Variants in MSANTD4 observed in about 807,000 individuals in gnomAD.
MSANTD4 encodes Myb/SANT DNA binding domain containing 4 with coiled-coils, also known as myb/SANT-like DNA-binding domain-containing protein 4.
In MSANTD4, 13 loss-of-function variants were observed where a neutral mutation model predicts 34.3. The observed-to-expected ratio is 0.38, with a 90% confidence interval of 0.25 to 0.60. The LOEUF (loss-of-function observed/expected upper bound fraction) is 0.60. Among genes scored for constraint, MSANTD4 ranks in the 20% least tolerant of loss-of-function variants. The pLI, the probability that MSANTD4 is intolerant of heterozygous loss-of-function variation, is 0.63. For missense variants in MSANTD4, 358 were observed against 401.8 expected (o/e 0.89, Z 0.93); for synonymous variants, 137 against 145.2 (o/e 0.94, Z 0.41).
intron 1 of MSANTD4, among the ~76,000 whole-genome samples, chr11:106,019,060 C>T (rs1239120019): frequency 2.0e-5 from 3 of 152,196 alleles, no homozygotes; most frequent in Non-Finnish European, 4.4e-5. Context: ...CCTTGCTCTT[C>T]CTCTCTTCCT....
At chr11:106,017,514 A>G (rs1043952107) in intron 1 of MSANTD4, among the ~76,000 whole-genome samples, 17 of 152,376 alleles carry the variant, frequency 1.1e-4, no homozygotes, top group African/African-American at 3.6e-4. Context: ...ACAGCAAAAT[A>G]TACATATAGT....
intron 1 of MSANTD4, among the ~76,000 whole-genome samples, chr11:106,013,396 C>A (rs1040609984): frequency 2.6e-5 from 4 of 152,120 alleles, no homozygotes. Context: ...CATTTAAACC[C>A]CATCATAACA....
rs1448754455 is a variant in MSANTD4, at chr11:106,008,591, G to A, written c.*944C>T. The stretch of plus-strand genomic sequence containing the variant: ...TTTAAAAGTCAAACAATCAGTCATT[G>A]GGTTCAAGCTCATGGACTACAAGTA... On this transcript the variant is annotated 3_prime_UTR_variant, in exon 3 of 3. Transcript: ENST00000301919. 6.6e-6 allele frequency: 1 copy of A among 152,140 alleles called. No homozygotes were observed. The highest frequency in any genetic ancestry group is 1.5e-5 in the Non-Finnish European group (1 of 68,042). The allele number at this position is 152,140 out of a possible 1,614,324, so 9.4% of individuals were successfully genotyped here.
intron 1 of MSANTD4, among the ~76,000 whole-genome samples, chr11:106,015,844 G>A (rs776009452): frequency 6.6e-6 from 1 of 152,034 alleles, no homozygotes. Flanking sequence ...GCAGTTTAGT[G>A]AACACTGTAG....
chr11:106,018,177 C>A (rs959702226), intron 1 of MSANTD4, among the ~76,000 whole-genome samples: 1 of 151,942 alleles, frequency 6.6e-6, no homozygotes, highest in Non-Finnish European at 1.5e-5. Flanking sequence ...ACTCCATATG[C>A]TGTATAGTCA....
intron 1 of MSANTD4, among the ~76,000 whole-genome samples, chr11:106,014,391 A>C (rs927355802): frequency 6.6e-6 from 1 of 152,224 alleles, no homozygotes; most frequent in African/African-American, 2.4e-5. Flanking sequence ...TGTTTGCTCA[A>C]ATAAACTTGT....
chr11:106,009,511 T>C lies in MSANTD4; in HGVS notation c.*24A>G. The C allele has an allele frequency of 6.4e-7, 1 of 1,564,684 alleles. No individual in the cohort carries two copies. Among genetic ancestry groups the C allele is most frequent in the Non-Finnish European group, 8.6e-7 (1 of 1,157,714 alleles). On this transcript the variant is annotated 3_prime_UTR_variant, in exon 3 of 3. Transcript: ENST00000301919. ...AGAAAAATCTAGAGTTTTCAAACAT[T>C]TGCTAAATGGAAGCCTGGAAAAATC...
In MSANTD4 at chr11:106,009,417, C is replaced by T; in HGVS notation, c.*118G>A. On this transcript the variant is annotated 3_prime_UTR_variant, in exon 3 of 3. Transcript: ENST00000301919. ...ACAGTTATCCACATATAACTTTTTC[C>T]TACTGAACACTGACATTAGACAAGA... is the stretch of plus-strand genomic sequence containing the variant. The T allele has an allele frequency of 1.0e-6, 1 of 971,082 alleles. No individual in the cohort carries two copies. The highest frequency in any genetic ancestry group is 2.5e-5 in the East Asian group (1 of 39,268). The allele number at this position is 971,082 out of a possible 1,614,324, so 60.2% of individuals were successfully genotyped here.
At chr11:106,010,414 G>T in intron 2 of MSANTD4, 42 bp downstream of exon 2, 1 of 1,542,970 alleles carries the variant, frequency 6.5e-7, no homozygotes, top group South Asian at 1.3e-5. Context: ...TCCCACATCA[G>T]AATTGAAAAG....
intron 1 of MSANTD4, among the ~76,000 whole-genome samples, chr11:106,014,066 C>G (rs1199266608): frequency 6.6e-6 from 1 of 152,154 alleles, no homozygotes; most frequent in Non-Finnish European, 1.5e-5. Flanking sequence ...CCAGTTAGGC[C>G]TCATAAGAGA....
rs753634603 is a variant in MSANTD4 at position 106,009,628 on chromosome 11, C to G, written c.945G>C (p.Leu315Phe). ...LQLEKDRLQFLKFESEKLQIE... is the reference protein window; with the variant it reads ...LQLEKDRLQFFKFESEKLQIE... ...TCTGCAGCTTCTCAGATTCAAACTT[C>G]AAAAACTGCAGCCTATCCTTTTCCA... Residue 315 changes from leucine (L) to phenylalanine (F), a missense_variant, in exon 3 of 3, where the codon TTG (leucine) becomes TTC (phenylalanine). Around this residue, in one of 2 missense-constraint regions of MSANTD4, gnomAD observed 312 missense variants for 317.6 expected, o/e 0.98. Coordinates refer to ENST00000301919, the MANE Select transcript of MSANTD4 (RefSeq NM_032424.3). 2 of 1,614,186 alleles carry G rather than the reference C, an allele frequency of 1.2e-6. No homozygotes were observed. Among genetic ancestry groups the G allele is most frequent in the Admixed American group, 3.3e-5 (2 of 60,026 alleles).
intron 1 of MSANTD4, among the ~76,000 whole-genome samples, chr11:106,013,545 G>A (rs1277621769): frequency 6.6e-6 from 1 of 152,184 alleles, no homozygotes; most frequent in Non-Finnish European, 1.5e-5. Flanking sequence ...TTTATTAGCA[G>A]CTTGTGATAG....
Position 106,009,675 on chromosome 11 carries a change from G to C in MSANTD4, c.898C>G (p.Leu300Val), listed in dbSNP as rs1434220061. 1.2e-6 allele frequency: 2 copies of C among 1,614,170 alleles called. No homozygotes were observed. The highest frequency in any genetic ancestry group is 3.3e-5 in the Admixed American group (2 of 60,030). ...TCCAGTTGCAAGCGTTCTCGCTCAA[G>C]TTTTAACTTCTCTGTTTCTATGTCC... ...PQDIETEKLK[L>V]ERERLQLEKD... The change falls in exon 3 of 3, where the codon CTT becomes GTT. Residue 300 changes from leucine to valine, a missense_variant. Around this residue, in one of 2 missense-constraint regions of MSANTD4, gnomAD observed 312 missense variants for 317.6 expected, o/e 0.98. Coordinates refer to ENST00000301919, the MANE Select transcript of MSANTD4 (RefSeq NM_032424.3).
chr11:106,009,492 A>G lies in MSANTD4; in HGVS notation c.*43T>C. On this transcript the variant is annotated 3_prime_UTR_variant, in exon 3 of 3. Coordinates refer to ENST00000301919, the MANE Select transcript of MSANTD4 (RefSeq NM_032424.3). Reference sequence around the variant, plus strand: ...CATTATATCACCTGATATGAGAAAAATCTAGAGTTTTCAAACATTTGCTAA... The same window carrying G: ...CATTATATCACCTGATATGAGAAAAGTCTAGAGTTTTCAAACATTTGCTAA... 1 of 1,532,466 alleles carries G rather than the reference A, an allele frequency of 6.5e-7. No individual in the cohort carries two copies. Among genetic ancestry groups the G allele is most frequent in the Non-Finnish European group, 8.8e-7 (1 of 1,137,062 alleles). The allele number at this position is 1,532,466 out of a possible 1,614,324, so 94.9% of individuals were successfully genotyped here. A position where few individuals can be genotyped will look rare whatever the true frequency, so the allele number is the denominator to read the frequency against.
intron 1 of MSANTD4, among the ~76,000 whole-genome samples, chr11:106,011,708 G>C (rs1358736545): frequency 6.6e-6 from 1 of 152,176 alleles, no homozygotes; most frequent in East Asian, 1.9e-4. Flanking sequence ...GAGCCTAGCA[G>C]AGATTCTGGC....
chr11:106,008,338 A>G lies in MSANTD4; in HGVS notation c.*1197T>C, dbSNP rs1859587428. On this transcript the variant is annotated 3_prime_UTR_variant, in exon 3 of 3. Coordinates refer to ENST00000301919, the MANE Select transcript of MSANTD4 (RefSeq NM_032424.3). ...AGGGAAGGACAAAATATACTACAATATAGAAGATCAGCCATTTACTCTGTG... is the reference window on the plus strand; with the variant it reads ...AGGGAAGGACAAAATATACTACAATGTAGAAGATCAGCCATTTACTCTGTG... 6.6e-6 allele frequency: 1 copy of G among 152,294 alleles called. No individual in the cohort carries two copies. Among genetic ancestry groups the G allele is most frequent in the Non-Finnish European group, 1.5e-5 (1 of 68,028 alleles). 9.4% of individuals were successfully genotyped at this position (152,294 alleles called of 1,614,324 possible). A position where few individuals can be genotyped will look rare whatever the true frequency, so the allele number is the denominator to read the frequency against.
rs1458300792 is a variant in MSANTD4, at chr11:106,009,499, G to C, written c.*36C>G. 7 of 1,546,504 alleles carry C rather than the reference G, an allele frequency of 4.5e-6. No individual in the cohort carries two copies. In the South Asian group the frequency reaches 8.7e-5, roughly 19 times the overall value. On this transcript the variant is annotated 3_prime_UTR_variant, in exon 3 of 3. Transcript: ENST00000301919. ...TCACCTGATATGAGAAAAATCTAGA[G>C]TTTTCAAACATTTGCTAAATGGAAG...
intron 1 of MSANTD4, among the ~76,000 whole-genome samples, chr11:106,017,582 T>C (rs1430668509): frequency 6.6e-6 from 1 of 152,184 alleles, no homozygotes; most frequent in Non-Finnish European, 1.5e-5. Flanking sequence ...CTACCACCAA[T>C]GTAACTACTA....
At chr11:106,020,706 T>C (rs1206120177) in intron 1 of MSANTD4, among the ~76,000 whole-genome samples, 1 of 152,190 alleles carries the variant, frequency 6.6e-6, no homozygotes, top group African/African-American at 2.4e-5. Flanking sequence ...CCTAACTCCA[T>C]ATCTCTAACT....
Sources: allele counts gnomAD v4.1 joint callset (sites outside exome capture counted in the v4.1 genomes callset), GRCh38; gene constraint gnomAD v4.1.1; regional missense constraint gnomAD v4.1.1; transcripts MANE v1.5; gene names NCBI Gene and HGNC (gene_info 2026-07-23, HGNC 2026-07-21).